The following ANGPT1 variants were observed in gnomAD, a reference collection of about 807,000 sequenced individuals.
The protein encoded by ANGPT1 is angiopoietin 1.
Under a neutral mutation model 62.2 loss-of-function variants are expected in ANGPT1, and 17 were observed. The observed-to-expected ratio is 0.27, with a 90% confidence interval of 0.19 to 0.41. The LOEUF (loss-of-function observed/expected upper bound fraction) is 0.41, where lower values mean the gene tolerates loss of function less well. Among genes scored for constraint, ANGPT1 ranks in the 10% least tolerant of loss-of-function variants. The pLI, the probability that ANGPT1 is intolerant of heterozygous loss-of-function variation, is 1.00. For missense variants in ANGPT1, 478 were observed against 594.9 expected, an observed-to-expected ratio of 0.80 and a Z score of 2.04; for synonymous variants, 199 against 198.9, an observed-to-expected ratio of 1.00 and a Z score of 0.00.
At chr8:107,444,841 A>C (rs776242916) in intron 1 of ANGPT1, among the ~76,000 whole-genome samples, 1 of 152,096 alleles carries the variant, frequency 6.6e-6, no homozygotes, top group South Asian at 2.1e-4. Context: ...CTCTCTACCC[A>C]TTTTCTGAAG....
intron 1 of ANGPT1, among the ~76,000 whole-genome samples, chr8:107,386,719 C>CAT (rs1239016361): frequency 6.6e-6 from 1 of 152,062 alleles, no homozygotes; most frequent in Non-Finnish European, 1.5e-5. Context: ...AGGATCAATA[C>CAT]ATATAGAGCA....
intron 1 of ANGPT1, among the ~76,000 whole-genome samples, chr8:107,391,079 C>T (rs1027756033): frequency 6.6e-6 from 1 of 152,070 alleles, no homozygotes; most frequent in Non-Finnish European, 1.5e-5. Flanking sequence ...GGTACTATTG[C>T]AATGAAAAAA....
chr8:107,404,038 T>G (rs756971982), intron 1 of ANGPT1, among the ~76,000 whole-genome samples: 4 of 152,144 alleles, frequency 2.6e-5, no homozygotes, highest in Non-Finnish European at 4.4e-5. Flanking sequence ...GATATATTGC[T>G]CTATGGATTT....
At chr8:107,360,452 ACTCT>A (rs1317907910) in intron 1 of ANGPT1, among the ~76,000 whole-genome samples, 1 of 151,982 alleles carries the variant, frequency 6.6e-6, no homozygotes, top group African/African-American at 2.4e-5. Context: ...TGCCCGGGTC[ACTCT>A]CTTTCCGCTT....
At chr8:107,257,079 C>T (rs55926413) in intron 8 of ANGPT1, among the ~76,000 whole-genome samples, 35,231 of 151,984 alleles carry the variant, frequency 0.23, 4,587 homozygotes, top group Middle Eastern at 0.34. Context: ...AGGCTGGTCT[C>T]GAACTCCTGA....
chr8:107,399,737 C>T (rs1462595932), intron 1 of ANGPT1, among the ~76,000 whole-genome samples: 2 of 152,072 alleles, frequency 1.3e-5, no homozygotes, highest in African/African-American at 4.8e-5. Context: ...CCTGATAATT[C>T]ACATGGCACA....
At chr8:107,287,775 C>T (rs1814177511) in intron 6 of ANGPT1, among the ~76,000 whole-genome samples, 1 of 152,156 alleles carries the variant, frequency 6.6e-6, no homozygotes, top group Non-Finnish European at 1.5e-5. Flanking sequence ...CACATATTTG[C>T]TGTAGAAATA....
At chr8:107,290,124 C>T (rs1431553782) in intron 6 of ANGPT1, among the ~76,000 whole-genome samples, 1 of 151,774 alleles carries the variant, frequency 6.6e-6, no homozygotes, top group Non-Finnish European at 1.5e-5. Flanking sequence ...TGCCGAGAAT[C>T]CAAAAAGTGG....
At chr8:107,493,584 A>G (rs1198938066) in intron 1 of ANGPT1, among the ~76,000 whole-genome samples, 2 of 150,710 alleles carry the variant, frequency 1.3e-5, no homozygotes, top group Admixed American at 6.6e-5. Flanking sequence ...CTTACAATCT[A>G]TTGAAGAGGT....
chr8:107,414,493 T>G lies in ANGPT1; in HGVS notation c.298-67396A>C, dbSNP rs79802558. Among the ~76,000 whole-genome samples, 1,889 of 152,264 alleles carry G rather than the reference T, an allele frequency of 0.012. 169 individuals are homozygous for G. The East Asian group carries it at 0.26, about 21-fold the overall frequency. ...TTCAGTTTAAAAGAAAAGAATTTAG[T>G]GACATTACCTTACCTGTCTGTAAAA... On this transcript the variant is annotated intron_variant, in intron 1 of 8. Coordinates refer to ENST00000517746, the MANE Select transcript of ANGPT1 (RefSeq NM_001146.5).
At chr8:107,431,119 T>G (rs952502820) in intron 1 of ANGPT1, among the ~76,000 whole-genome samples, 11 of 152,320 alleles carry the variant, frequency 7.2e-5, no homozygotes, top group Admixed American at 5.9e-4. Context: ...GAACAGGCTA[T>G]TTTGCCTCTG....
chr8:107,465,183 C>T (rs896698812), intron 1 of ANGPT1, among the ~76,000 whole-genome samples: 3 of 151,940 alleles, frequency 2.0e-5, no homozygotes, highest in Non-Finnish European at 4.4e-5. Context: ...CTCTAAGAAG[C>T]ATCAAATATA....
intron 1 of ANGPT1, among the ~76,000 whole-genome samples, chr8:107,372,252 C>T (rs1020460938): frequency 1.3e-5 from 2 of 151,948 alleles, no homozygotes; most frequent in African/African-American, 4.8e-5. Flanking sequence ...AAACTGTCTT[C>T]AAATATTGCC....
intron 1 of ANGPT1, among the ~76,000 whole-genome samples, chr8:107,484,389 T>A (rs1456540900): frequency 6.6e-6 from 1 of 152,142 alleles, no homozygotes; most frequent in African/African-American, 2.4e-5. Context: ...TACCTTATTT[T>A]AAAAAATCAT....
intron 1 of ANGPT1, among the ~76,000 whole-genome samples, chr8:107,476,471 G>C (rs1475181022): frequency 3.3e-5 from 5 of 152,068 alleles, no homozygotes; most frequent in African/African-American, 1.2e-4. Context: ...AGCATTAGGA[G>C]ATATACCTAA....
chr8:107,301,400 C>T (rs114601090), intron 5 of ANGPT1, among the ~76,000 whole-genome samples: 6 of 151,770 alleles, frequency 4.0e-5, no homozygotes, highest in African/African-American at 1.4e-4. Flanking sequence ...CCTCCTACTC[C>T]AGATCAAATT....
At chr8:107,258,043 T>C (rs1331690996) in intron 8 of ANGPT1, among the ~76,000 whole-genome samples, 4 of 151,654 alleles carry the variant, frequency 2.6e-5, no homozygotes, top group African/African-American at 9.7e-5. Flanking sequence ...GCTAGGAATA[T>C]CAAATTCACT....
At chr8:107,318,313 G>T (rs1275243306) in intron 4 of ANGPT1, among the ~76,000 whole-genome samples, 1 of 152,150 alleles carries the variant, frequency 6.6e-6, no homozygotes, top group Admixed American at 6.5e-5. Context: ...TTCAGATAAT[G>T]TGTTTATTAG....
At chr8:107,253,117 C>T (rs908854681) in intron 8 of ANGPT1, among the ~76,000 whole-genome samples, 2 of 152,178 alleles carry the variant, frequency 1.3e-5, no homozygotes, top group Admixed American at 6.5e-5. Context: ...TAAAGTCACA[C>T]TAGAGGCGTA....
Sources: allele counts gnomAD v4.1 joint callset (sites outside exome capture counted in the v4.1 genomes callset), GRCh38; gene constraint gnomAD v4.1.1; transcripts MANE v1.5; gene names NCBI Gene and HGNC (gene_info 2026-07-23, HGNC 2026-07-21).